The following EPHA6 variants were observed in gnomAD, a reference collection of about 807,000 sequenced individuals.
EPHA6 encodes EPH receptor A6, also known as ephrin type-A receptor 6.
A neutral mutation model predicts 112.0 loss-of-function variants in EPHA6; 50 were observed. The ratio of observed to expected loss-of-function variants is 0.45; its 90% CI spans 0.36 to 0.56. The LOEUF (loss-of-function observed/expected upper bound fraction) is 0.56. EPHA6 is among the 20% of genes least tolerant of loss of function. The pLI is 0.00. For synonymous variants in EPHA6, 529 were observed against 490.7 expected (o/e 1.08, Z -1.03); for missense variants, 1,280 against 1,417.4 (o/e 0.90, Z 1.56).
intron 3 of EPHA6, among the ~76,000 whole-genome samples, chr3:97,029,130 C>T (rs1322922977): frequency 2.0e-5 from 3 of 151,628 alleles, no homozygotes; most frequent in Admixed American, 1.3e-4. Flanking sequence ...GCCTACTCCA[C>T]ATTTTGACTA....
chr3:97,241,270 G>C (rs1415857194), intron 4 of EPHA6, among the ~76,000 whole-genome samples: 2 of 151,738 alleles, frequency 1.3e-5, no homozygotes, highest in African/African-American at 4.8e-5. Context: ...TGATGGACTT[G>C]AAAAACAGCT....
intron 3 of EPHA6, among the ~76,000 whole-genome samples, chr3:97,124,813 A>G (rs2048139391): frequency 6.6e-6 from 1 of 152,192 alleles, no homozygotes; most frequent in Non-Finnish European, 1.5e-5. Flanking sequence ...ACTAAGGCCT[A>G]GTAACACCCA....
intron 13 of EPHA6, among the ~76,000 whole-genome samples, chr3:97,629,493 T>A (rs2093886000): frequency 6.6e-6 from 1 of 152,020 alleles, no homozygotes; most frequent in South Asian, 2.1e-4. Context: ...AGCATGAGTA[T>A]ACCTCTTTAA....
At chr3:97,123,979 C>T (rs72922316) in intron 3 of EPHA6, among the ~76,000 whole-genome samples, 1 of 152,062 alleles carries the variant, frequency 6.6e-6, no homozygotes, top group East Asian at 1.9e-4. Context: ...GTTCCCAGCT[C>T]TAAATCCATG....
At position 97,618,315 on chromosome 3, in the gene EPHA6, T is replaced by G. The variant is rs952875762; in HGVS notation, c.2574+7461T>G. ...AAATATTTAGCACTAAATACCCACC[T>G]CAAAAATCTGGAAGGAACTCAAGTC... On this transcript the variant is annotated intron_variant, in intron 13 of 17. Coordinates refer to ENST00000389672, the MANE Select transcript of EPHA6 (RefSeq NM_001080448.3). Among the ~76,000 whole-genome samples the G allele has an allele frequency of 9.9e-5, 15 of 151,976 alleles. No homozygotes were observed. In the East Asian group the frequency reaches 2.7e-3, roughly 27 times the overall value.
Position 97,265,402 on chromosome 3 carries a change from G to A in EPHA6, c.1606+21115G>A, listed in dbSNP as rs550101782. 3.9e-5 allele frequency among the ~76,000 whole-genome samples: 6 copies of A among 152,214 alleles called. No homozygotes were observed. The South Asian group carries it at 8.3e-4, about 21-fold the overall frequency. On this transcript the variant is annotated intron_variant, in intron 5 of 17. Transcript: ENST00000389672. ...ATCGGCTTCTCTCTCATCACTCGTC[G>A]GTGCCCAAAATCCAGAGGGGTCCGA...
At chr3:97,698,222 G>C (rs2033161086) in intron 14 of EPHA6, among the ~76,000 whole-genome samples, 1 of 152,096 alleles carries the variant, frequency 6.6e-6, no homozygotes, top group African/African-American at 2.4e-5. Flanking sequence ...GGCTGGTCTG[G>C]AACTCCTGAC....
chr3:97,221,687 C>T (rs946549131), intron 3 of EPHA6, among the ~76,000 whole-genome samples: 7 of 152,104 alleles, frequency 4.6e-5, no homozygotes, highest in Non-Finnish European at 8.8e-5. Context: ...ATCTCATGTT[C>T]GGTATTAGCA....
intron 5 of EPHA6, among the ~76,000 whole-genome samples, chr3:97,326,717 AAACCTTCCCCACTGC>A (rs1462861862): frequency 1.2e-4 from 18 of 152,192 alleles, no homozygotes; most frequent in African/African-American, 4.1e-4. Context: ...GAAACAGTAA[AAACCTTCCCCACTGC>A]AAAGAACAAA....
chr3:97,084,570 A>G (rs181166111), intron 3 of EPHA6, among the ~76,000 whole-genome samples: 581 of 152,166 alleles, frequency 3.8e-3, no homozygotes, highest in Non-Finnish European at 5.3e-3. Context: ...TACAAAATCA[A>G]TGTATGAAAA....
chr3:97,029,633 G>C (rs1183730525), intron 3 of EPHA6, among the ~76,000 whole-genome samples: 2 of 152,040 alleles, frequency 1.3e-5, no homozygotes, highest in Non-Finnish European at 2.9e-5. Flanking sequence ...AAATTAATGG[G>C]GGTGATAGTA....
At chr3:96,927,379 A>T (rs1196866909) in intron 2 of EPHA6, among the ~76,000 whole-genome samples, 5 of 152,212 alleles carry the variant, frequency 3.3e-5, no homozygotes, top group Non-Finnish European at 5.9e-5. Flanking sequence ...TCAGATATTA[A>T]CATTCAGCTC....
At chr3:97,032,011 G>A (rs1410424396) in intron 3 of EPHA6, among the ~76,000 whole-genome samples, 3 of 152,014 alleles carry the variant, frequency 2.0e-5, no homozygotes, top group Non-Finnish European at 4.4e-5. Context: ...TGTTTATTGT[G>A]GCACTATTCA....
At chr3:97,683,347 C>G (rs1314913434) in intron 14 of EPHA6, among the ~76,000 whole-genome samples, 1 of 151,986 alleles carries the variant, frequency 6.6e-6, no homozygotes, top group Non-Finnish European at 1.5e-5. Context: ...ATATGCAGTA[C>G]CACTCATTTA....
chr3:96,834,929 T>C (rs2034312194), intron 1 of EPHA6, among the ~76,000 whole-genome samples: 2 of 152,040 alleles, frequency 1.3e-5, no homozygotes, highest in African/African-American at 4.8e-5. Flanking sequence ...ACAATTATAA[T>C]AATAATGGTG....
chr3:97,390,715 CA>C (rs2086350031), intron 5 of EPHA6, among the ~76,000 whole-genome samples: 1 of 151,780 alleles, frequency 6.6e-6, no homozygotes, highest in African/African-American at 2.4e-5. Flanking sequence ...TGGAACTCAG[CA>C]AAATTTCACC....
intron 4 of EPHA6, among the ~76,000 whole-genome samples, chr3:97,227,255 T>A (rs1381320768): frequency 6.6e-6 from 1 of 151,760 alleles, no homozygotes; most frequent in Non-Finnish European, 1.5e-5. Flanking sequence ...AGTTTTGCTC[T>A]TGTAGTCCAG....
At chr3:97,261,951 C>T (rs1576794385) in intron 5 of EPHA6, among the ~76,000 whole-genome samples, 1 of 152,196 alleles carries the variant, frequency 6.6e-6, no homozygotes, top group Non-Finnish European at 1.5e-5. Flanking sequence ...AGCTCTTAAC[C>T]ATTAGGACAT....
At chr3:96,887,960 C>T (rs992357386) in intron 2 of EPHA6, among the ~76,000 whole-genome samples, 2 of 152,072 alleles carry the variant, frequency 1.3e-5, no homozygotes, top group African/African-American at 4.8e-5. Flanking sequence ...CAACAACTCC[C>T]AGTCTGTTTC....
Sources: gnomAD v4.1 joint callset for allele counts (sites outside exome capture counted in the v4.1 genomes callset) on GRCh38, gnomAD v4.1.1 for gene constraint, MANE v1.5 for transcripts, NCBI Gene and HGNC (gene_info 2026-07-23, HGNC 2026-07-21) for gene names.